KCNQ3: variants seen among roughly 807,000 people sequenced by gnomAD.
KCNQ3 encodes the protein potassium voltage-gated channel subfamily KQT member 3.
Under a neutral mutation model 92.5 loss-of-function variants are expected in KCNQ3, and 30 were observed. The ratio of observed to expected loss-of-function variants is 0.32; its 90% confidence interval spans 0.24 to 0.44. The LOEUF is 0.44. Ranked by LOEUF, KCNQ3 falls within the 20% of genes least tolerant of loss-of-function variation. KCNQ3 has a pLI of 1.00. For missense variants in KCNQ3, 913 were observed against 1,140.3 expected, an observed-to-expected ratio of 0.80 and a Z score of 2.87; for synonymous variants, 450 against 468.8, an observed-to-expected ratio of 0.96 and a Z score of 0.52.
chr8:132,179,783 A>C (rs113040489), intron 4 of KCNQ3, among the ~76,000 whole-genome samples: 4,237 of 152,176 alleles, frequency 0.028, 223 homozygotes, highest in African/African-American at 0.098. Flanking sequence ...TTCTTCTCCC[A>C]CTGCATGTGG....
chr8:132,206,349 A>G (rs2130280111), intron 1 of KCNQ3, among the ~76,000 whole-genome samples: 1 of 152,338 alleles, frequency 6.6e-6, no homozygotes, highest in Admixed American at 6.5e-5. Context: ...ATGTCCACTG[A>G]CAGACACCTT....
intron 1 of KCNQ3, among the ~76,000 whole-genome samples, chr8:132,375,154 G>A (rs1327684244): frequency 6.6e-6 from 1 of 151,996 alleles, no homozygotes; most frequent in African/African-American, 2.4e-5. Context: ...AAATCCCAAA[G>A]AACTTTCATT....
intron 1 of KCNQ3, among the ~76,000 whole-genome samples, chr8:132,411,220 T>C (rs546496468): frequency 2.0e-5 from 3 of 152,184 alleles, no homozygotes; most frequent in Non-Finnish European, 4.4e-5. Context: ...GAATTCAATG[T>C]TGCCTGAGGG....
At chr8:132,374,590 CG>C (rs1171017891) in intron 1 of KCNQ3, among the ~76,000 whole-genome samples, 3 of 152,144 alleles carry the variant, frequency 2.0e-5, no homozygotes, top group African/African-American at 7.2e-5. Context: ...ACTCGTGTTA[CG>C]GGAGTTTGTT....
At chr8:132,467,361 C>G (rs1822197249) in intron 1 of KCNQ3, among the ~76,000 whole-genome samples, 2 of 152,170 alleles carry the variant, frequency 1.3e-5, no homozygotes, top group African/African-American at 4.8e-5. Context: ...AATGGTGCTA[C>G]CCCACAGATG....
At chr8:132,266,475 C>G (rs567555166) in intron 1 of KCNQ3, among the ~76,000 whole-genome samples, 2 of 152,166 alleles carry the variant, frequency 1.3e-5, no homozygotes, top group Non-Finnish European at 2.9e-5. Context: ...GCAAGCTCAT[C>G]ACAGCCTGTT....
At chr8:132,135,452 T>C (rs1825051537) in intron 12 of KCNQ3, among the ~76,000 whole-genome samples, 1 of 152,042 alleles carries the variant, frequency 6.6e-6, no homozygotes, top group Non-Finnish European at 1.5e-5. Flanking sequence ...GTCTCCTCCT[T>C]GGAAACCCAG....
chr8:132,391,378 T>G (rs938999957), intron 1 of KCNQ3, among the ~76,000 whole-genome samples: 2 of 152,184 alleles, frequency 1.3e-5, no homozygotes, highest in African/African-American at 4.8e-5. Context: ...CAAAGACAGC[T>G]GTCTCGCTTC....
At chr8:132,427,551 C>A (rs989083379) in intron 1 of KCNQ3, among the ~76,000 whole-genome samples, 4 of 152,156 alleles carry the variant, frequency 2.6e-5, no homozygotes, top group African/African-American at 9.7e-5. Flanking sequence ...GTCTCAGAAG[C>A]AAAGGAATTG....
rs546046164 is a variant in KCNQ3, at chr8:132,172,141, C to T, written c.1140+457G>A. Among the ~76,000 whole-genome samples, 14 of 151,956 alleles carry T rather than the reference C, an allele frequency of 9.2e-5. No individual in the cohort carries two copies. The East Asian group carries it at 1.7e-3, about 19-fold the overall frequency. ...GATGGAGGCTGCAGTGAGCTATGAT[C>T]GCACCCTACACTCCAGCCTGGACAA... On this transcript the variant is annotated intron_variant, in intron 7 of 14. Coordinates refer to ENST00000388996, the MANE Select transcript of KCNQ3 (RefSeq NM_004519.4).
chr8:132,382,343 G>A (rs1002785414), intron 1 of KCNQ3, among the ~76,000 whole-genome samples: 3 of 152,018 alleles, frequency 2.0e-5, no homozygotes, highest in African/African-American at 4.8e-5. Flanking sequence ...TGTGAGAGCC[G>A]GTTGTTTAAA....
intron 9 of KCNQ3, among the ~76,000 whole-genome samples, chr8:132,150,285 C>T (rs1157606549): frequency 6.6e-6 from 1 of 152,144 alleles, no homozygotes; most frequent in Admixed American, 6.5e-5. Flanking sequence ...AGGGCGTGGC[C>T]TGTAACCTCG....
At chr8:132,270,691 T>C (rs948932563) in intron 1 of KCNQ3, among the ~76,000 whole-genome samples, 1 of 152,372 alleles carries the variant, frequency 6.6e-6, no homozygotes, top group East Asian at 1.9e-4. Context: ...GTCTGAAATA[T>C]CTACAATATG....
chr8:132,318,516 G>C (rs1314733398), intron 1 of KCNQ3, among the ~76,000 whole-genome samples: 1 of 152,194 alleles, frequency 6.6e-6, no homozygotes, highest in Non-Finnish European at 1.5e-5. Context: ...TGTTTGCAAA[G>C]GGCTTGTCAT....
intron 10 of KCNQ3, 127 bp downstream of exon 10, chr8:132,141,002 A>G: frequency 1.2e-6 from 1 of 853,898 alleles, no homozygotes; most frequent in Non-Finnish European, 2.0e-6. Context: ...TGGCTTGTCG[A>G]GGGAAGGGAG....
At chr8:132,138,291 C>A (rs1179224474) in intron 11 of KCNQ3, among the ~76,000 whole-genome samples, 1 of 152,140 alleles carries the variant, frequency 6.6e-6, no homozygotes, top group East Asian at 1.9e-4. Flanking sequence ...TATGCCAGAC[C>A]ATGAGCTTAA....
At chr8:132,252,977 A>C (rs866518275) in intron 1 of KCNQ3, among the ~76,000 whole-genome samples, 1 of 152,198 alleles carries the variant, frequency 6.6e-6, no homozygotes, top group Admixed American at 6.5e-5. Context: ...TTAAGAGGTC[A>C]GCCAATCCAT....
chr8:132,198,093 A>T (rs1325090222), intron 1 of KCNQ3, among the ~76,000 whole-genome samples: 1 of 152,176 alleles, frequency 6.6e-6, no homozygotes, highest in Admixed American at 6.5e-5. Flanking sequence ...GTTACAAAAA[A>T]TTTCAACTTC....
chr8:132,374,487 C>G (rs1340547039), intron 1 of KCNQ3, among the ~76,000 whole-genome samples: 1 of 152,198 alleles, frequency 6.6e-6, no homozygotes, highest in Non-Finnish European at 1.5e-5. Flanking sequence ...CCCGCTGGCA[C>G]TTGCGGCACA....
Sources: allele counts gnomAD v4.1 joint callset (sites outside exome capture counted in the v4.1 genomes callset), GRCh38; gene constraint gnomAD v4.1.1; transcripts MANE v1.5; gene names NCBI Gene and HGNC (gene_info 2026-07-23, HGNC 2026-07-21).